NCAM1: variants seen among roughly 807,000 people sequenced by gnomAD.
NCAM1 encodes antigen recognized by monoclonal antibody 5.1H11.
In NCAM1, 14 loss-of-function variants were observed where a neutral mutation model predicts 109.8. That is an observed-to-expected ratio of 0.13 (90% CI 0.08 to 0.20). The LOEUF is 0.20. NCAM1 is among the 10% of genes least tolerant of loss of function. The probability of loss-of-function intolerance (pLI) is 1.00; values close to 1 mark genes in which losing one functional copy is unlikely to be tolerated. For missense variants in NCAM1, 774 were observed against 1,109.9 expected (o/e 0.70, Z 4.30); for synonymous variants, 418 against 442.9 (o/e 0.94, Z 0.70).
intron 1 of NCAM1, among the ~76,000 whole-genome samples, chr11:113,008,944 G>A (rs377161173): frequency 6.6e-6 from 1 of 152,186 alleles, no homozygotes; most frequent in African/African-American, 2.4e-5. Context: ...ACCAAGGAAA[G>A]GTCAACACAA....
intron 1 of NCAM1, among the ~76,000 whole-genome samples, chr11:113,078,786 G>A (rs1256310010): frequency 6.6e-6 from 1 of 152,152 alleles, no homozygotes; most frequent in African/African-American, 2.4e-5. Flanking sequence ...CCCGGTTGGT[G>A]ACCTGTCTCA....
At chr11:113,048,114 A>C (rs1953336452) in intron 1 of NCAM1, among the ~76,000 whole-genome samples, 2 of 152,176 alleles carry the variant, frequency 1.3e-5, no homozygotes, top group Admixed American at 1.3e-4. Context: ...TGCTGCTGAG[A>C]CTTAAATAAT....
intron 13 of NCAM1, 57 bp from the exon 14 acceptor site, chr11:113,234,976 A>G: frequency 6.7e-7 from 1 of 1,500,762 alleles, no homozygotes; most frequent in East Asian, 2.5e-5. Context: ...TGTTTTTCAG[A>G]GCGGCTGCAC....
intron 1 of NCAM1, among the ~76,000 whole-genome samples, chr11:112,998,333 A>C (rs1555071776): frequency 6.6e-6 from 1 of 152,172 alleles, no homozygotes; most frequent in Non-Finnish European, 1.5e-5. Context: ...TCTGATTGAG[A>C]GTCCTGGAGG....
At chr11:113,179,242 G>A (rs1943259650) in intron 1 of NCAM1, among the ~76,000 whole-genome samples, 2 of 152,318 alleles carry the variant, frequency 1.3e-5, no homozygotes, top group Admixed American at 1.3e-4. Flanking sequence ...CAATTTTGAA[G>A]CCTAGCCTTG....
chr11:113,073,711 G>T (rs1489613418), intron 1 of NCAM1, among the ~76,000 whole-genome samples: 5 of 152,126 alleles, frequency 3.3e-5, no homozygotes, highest in Admixed American at 1.3e-4. Flanking sequence ...CTTTAAATCC[G>T]CATCACACAT....
chr11:113,187,311 T>C (rs1555109034), intron 1 of NCAM1, among the ~76,000 whole-genome samples: 2 of 152,194 alleles, frequency 1.3e-5, no homozygotes, highest in African/African-American at 4.8e-5. Flanking sequence ...TGAATTCATT[T>C]TGGGCATTTG....
intron 1 of NCAM1, among the ~76,000 whole-genome samples, chr11:113,185,245 G>A (rs549105990): frequency 1.8e-4 from 27 of 152,024 alleles, no homozygotes; most frequent in Middle Eastern, 6.8e-3. Flanking sequence ...AGAGCAGATG[G>A]TGTAAGATCC....
Position 113,274,436 on chromosome 11 carries a change from C to T in NCAM1, c.2457-831C>T, listed in dbSNP as rs1206411938. 1.3e-5 allele frequency among the ~76,000 whole-genome samples: 2 copies of T among 152,192 alleles called. No individual in the cohort carries two copies. The highest frequency in any genetic ancestry group is 2.4e-5 in the African/African-American group (1 of 41,450). On this transcript the variant is annotated intron_variant, in intron 19 of 19. Coordinates refer to ENST00000316851, the MANE Select transcript of NCAM1 (RefSeq NM_181351.5). This position sits in a 1 kb window ranked among gnomAD's most constrained non-coding sequence, Gnocchi z 4.1. Reference sequence around the variant, plus strand: ...TGAGGCTGGGGTCTGTGCCTGTCCCCATGCATCCTCAGACCCGACTCCCTT... The same window carrying T: ...TGAGGCTGGGGTCTGTGCCTGTCCCTATGCATCCTCAGACCCGACTCCCTT...
At chr11:113,180,579 G>C (rs1555107771) in intron 1 of NCAM1, among the ~76,000 whole-genome samples, 1 of 152,222 alleles carries the variant, frequency 6.6e-6, no homozygotes, top group African/African-American at 2.4e-5. Flanking sequence ...CCGAATCTCT[G>C]TGTGATGTGC....
intron 9 of NCAM1, among the ~76,000 whole-genome samples, chr11:113,223,077 C>A (rs550127276): frequency 6.6e-6 from 1 of 152,206 alleles, no homozygotes; most frequent in Non-Finnish European, 1.5e-5. Context: ...TTATCATTAA[C>A]CTTCATATTT....
At chr11:113,109,083 C>A (rs1940312452) in intron 1 of NCAM1, among the ~76,000 whole-genome samples, 2 of 150,188 alleles carry the variant, frequency 1.3e-5, no homozygotes, top group African/African-American at 4.9e-5. Flanking sequence ...TGCGGTGGCT[C>A]ATGCCTGTAA....
intron 1 of NCAM1, among the ~76,000 whole-genome samples, chr11:113,103,787 C>T (rs1194996443): frequency 6.6e-6 from 1 of 152,078 alleles, no homozygotes; most frequent in Non-Finnish European, 1.5e-5. Flanking sequence ...GCCTTTATAG[C>T]CCTGAAGTAA....
intron 1 of NCAM1, among the ~76,000 whole-genome samples, chr11:113,035,036 C>T (rs531762421): frequency 3.0e-4 from 45 of 152,202 alleles, no homozygotes; most frequent in African/African-American, 8.4e-4. Context: ...TTACCTGGGG[C>T]GGTTAGACTT....
Position 113,273,590 on chromosome 11 carries a change from G to A in NCAM1, c.2457-1677G>A. ...CTTCCCAGGGCGAGGACTTTAAAATGGACGAAGGGAACTTCAAGACCCCAG... is the reference window on the plus strand; with the variant it reads ...CTTCCCAGGGCGAGGACTTTAAAATAGACGAAGGGAACTTCAAGACCCCAG... On this transcript the variant is annotated intron_variant, in intron 19 of 19. Transcript: ENST00000316851. The surrounding 1 kb of genome is among the most constrained non-coding windows in gnomAD (Gnocchi z 6.0). 2.3e-6 allele frequency: 1 copy of A among 438,224 alleles called. No homozygotes were observed. Among genetic ancestry groups the A allele is most frequent in the Non-Finnish European group, 4.6e-6 (1 of 215,762 alleles). 27.1% of individuals were successfully genotyped at this position (438,224 alleles called of 1,614,324 possible). A position where few individuals can be genotyped will look rare whatever the true frequency, so the allele number is the denominator to read the frequency against.
chr11:113,052,017 G>A (rs747287117), intron 1 of NCAM1, among the ~76,000 whole-genome samples: 2 of 152,202 alleles, frequency 1.3e-5, no homozygotes, highest in African/African-American at 4.8e-5. Flanking sequence ...CATGAACTCT[G>A]AGTACTGTGT....
intron 1 of NCAM1, among the ~76,000 whole-genome samples, chr11:113,025,826 A>C (rs1030012229): frequency 7.2e-6 from 1 of 139,608 alleles, no homozygotes; most frequent in Non-Finnish European, 1.6e-5. Flanking sequence ...AGAGAGAGGG[A>C]GAGAGAGAAC....
chr11:113,065,373 C>A (rs552203865), intron 1 of NCAM1, among the ~76,000 whole-genome samples: 1 of 152,186 alleles, frequency 6.6e-6, no homozygotes, highest in East Asian at 1.9e-4. Context: ...ATAGCCCCCT[C>A]CTTAAGTGGG....
intron 16 of NCAM1, among the ~76,000 whole-genome samples, chr11:113,259,035 A>T (rs1213676040): frequency 6.6e-6 from 1 of 151,946 alleles, no homozygotes; most frequent in Non-Finnish European, 1.5e-5. Flanking sequence ...TAAGGGCTCA[A>T]CAAAAATAGT....
Sources: gnomAD v4.1 joint callset for allele counts (sites outside exome capture counted in the v4.1 genomes callset) on GRCh38, gnomAD v4.1.1 for gene constraint, Gnocchi (gnomAD v3.1) non-coding constraint, MANE v1.5 for transcripts, NCBI Gene and HGNC (gene_info 2026-07-23, HGNC 2026-07-21) for gene names.